CAMTA1: variants seen among roughly 807,000 people sequenced by gnomAD.
CAMTA1 encodes calmodulin-binding transcription activator 1.
Under a neutral mutation model 170.9 loss-of-function variants are expected in CAMTA1, and 27 were observed. That is an observed-to-expected ratio of 0.16 (90% CI 0.12 to 0.22). The LOEUF is 0.22. Ranked by LOEUF, CAMTA1 falls within the 10% of genes least tolerant of loss-of-function variation. CAMTA1 has a pLI of 1.00. For synonymous variants in CAMTA1, 833 were observed against 891.5 expected (o/e 0.93, Z 1.17); for missense variants, 1,619 against 2,217.2 (o/e 0.73, Z 5.42).
intron 5 of CAMTA1, among the ~76,000 whole-genome samples, chr1:7,448,225 A>C (rs1013871858): frequency 6.6e-5 from 10 of 152,202 alleles, no homozygotes; most frequent in Non-Finnish European, 2.9e-5. Flanking sequence ...GGCAGCAGGC[A>C]TGGACATGGA....
chr1:7,445,662 CAA>C (rs2092661582), intron 5 of CAMTA1, among the ~76,000 whole-genome samples: 1 of 152,202 alleles, frequency 6.6e-6, no homozygotes, highest in Non-Finnish European at 1.5e-5. Flanking sequence ...CAGGACAGAA[CAA>C]AGACATGGCT....
chr1:7,187,090 C>T (rs1048097856), intron 4 of CAMTA1, among the ~76,000 whole-genome samples: 1 of 152,082 alleles, frequency 6.6e-6, no homozygotes, highest in African/African-American at 2.4e-5. Context: ...TGAAGCCATG[C>T]TGGTCACTGT....
At chr1:7,409,518 C>T (rs763810460) in intron 5 of CAMTA1, among the ~76,000 whole-genome samples, 5 of 126,308 alleles carry the variant, frequency 4.0e-5, no homozygotes, top group Non-Finnish European at 6.7e-5. Context: ...TGAGGACTCA[C>T]CTGACACTTG....
In CAMTA1 at chr1:7,195,476, G is replaced by A. The variant is rs1423448154; in HGVS notation, c.303-54015G>A. Among the ~76,000 whole-genome samples, 2 of 152,142 alleles carry A rather than the reference G, an allele frequency of 1.3e-5. No homozygotes were observed. Among genetic ancestry groups the A allele is most frequent in the Non-Finnish European group, 2.9e-5 (2 of 68,038 alleles). On this transcript the variant is annotated intron_variant, in intron 4 of 22. Transcript: ENST00000303635. This position sits in a 1 kb window ranked among gnomAD's most constrained non-coding sequence, Gnocchi z 4.1. ...CCCAGCTGCCCGTAGTGACCATGGG[G>A]CACAAGCAGGGAATAGAGCTTTCCT...
chr1:7,385,509 G>A (rs1016485068), intron 5 of CAMTA1, among the ~76,000 whole-genome samples: 68 of 152,260 alleles, frequency 4.5e-4, no homozygotes, highest in African/African-American at 1.3e-3. Flanking sequence ...TACTGGGCTC[G>A]CGGGCCAGTG....
chr1:7,284,438 G>A (rs1015891438), intron 5 of CAMTA1, among the ~76,000 whole-genome samples: 3 of 151,964 alleles, frequency 2.0e-5, no homozygotes, highest in African/African-American at 4.8e-5. Flanking sequence ...TCCTGACCTC[G>A]TGATCTGCCC....
At chr1:7,374,474 AG>A (rs2086701836) in intron 5 of CAMTA1, among the ~76,000 whole-genome samples, 1 of 152,210 alleles carries the variant, frequency 6.6e-6, no homozygotes, top group Non-Finnish European at 1.5e-5. Context: ...TGGGGAGAGG[AG>A]GAGGGGCCGC....
intron 1 of CAMTA1, among the ~76,000 whole-genome samples, chr1:6,790,872 T>G (rs1640898112): frequency 6.6e-6 from 1 of 152,194 alleles, no homozygotes; most frequent in Non-Finnish European, 1.5e-5. Context: ...AATACCCCTT[T>G]TCTTTTTTCC....
chr1:7,276,304 T>TATATA (rs1553299266), intron 5 of CAMTA1, among the ~76,000 whole-genome samples: 2 of 14,948 alleles, frequency 1.3e-4, no homozygotes, highest in South Asian at 4.4e-3. Context: ...TATATATATA[T>TATATA]TTTTTTTTTT....
intron 3 of CAMTA1, among the ~76,000 whole-genome samples, chr1:6,990,265 C>A (rs1696132869): frequency 6.6e-6 from 1 of 152,186 alleles, no homozygotes; most frequent in Non-Finnish European, 1.5e-5. Context: ...CCTTTAAATA[C>A]TGCTTTAGCT....
chr1:7,745,520 TG>T (rs1334996535), intron 17 of CAMTA1, among the ~76,000 whole-genome samples: 1 of 152,084 alleles, frequency 6.6e-6, no homozygotes, highest in Non-Finnish European at 1.5e-5. Context: ...AGCAAGATTC[TG>T]TCTCAAAAAA....
intron 6 of CAMTA1, among the ~76,000 whole-genome samples, chr1:7,571,480 C>T (rs1388183464): frequency 6.6e-6 from 1 of 152,140 alleles, no homozygotes; most frequent in Non-Finnish European, 1.5e-5. Context: ...GATCCTTTCC[C>T]TCCTCCCACC....
chr1:7,410,414 G>A (rs1387223026), intron 5 of CAMTA1, among the ~76,000 whole-genome samples: 3 of 152,240 alleles, frequency 2.0e-5, no homozygotes, highest in East Asian at 1.9e-4. Flanking sequence ...CCCGCCTGTC[G>A]TCAGGAGCCC....
chr1:7,256,917 A>AGATGGCC (rs1392485185), intron 5 of CAMTA1, among the ~76,000 whole-genome samples: 2 of 151,798 alleles, frequency 1.3e-5, no homozygotes, highest in African/African-American at 4.8e-5. Context: ...CCTGGTGCAT[A>AGATGGCC]GATGGCCATC....
At chr1:7,765,624 C>A (rs1490386787) in intron 22 of CAMTA1, among the ~76,000 whole-genome samples, 1 of 152,166 alleles carries the variant, frequency 6.6e-6, no homozygotes, top group African/African-American at 2.4e-5. Flanking sequence ...AAAGTCTCCA[C>A]AAAACCTGTG....
intron 6 of CAMTA1, among the ~76,000 whole-genome samples, chr1:7,502,747 GT>G (rs1212523177): frequency 6.6e-6 from 1 of 152,238 alleles, no homozygotes; most frequent in Non-Finnish European, 1.5e-5. Flanking sequence ...CGACGGAGAT[GT>G]GAAGTCAGCG....
At chr1:7,486,133 G>A (rs571174525) in intron 6 of CAMTA1, among the ~76,000 whole-genome samples, 1 of 152,314 alleles carries the variant, frequency 6.6e-6, no homozygotes, top group South Asian at 2.1e-4. Flanking sequence ...TCAATTCGGT[G>A]TGACAGTTTG....
At chr1:6,978,956 G>T (rs17030102) in intron 3 of CAMTA1, among the ~76,000 whole-genome samples, 2,973 of 152,244 alleles carry the variant, frequency 0.02, 80 homozygotes, top group African/African-American at 0.067. Flanking sequence ...TGTGGTGGAT[G>T]CATCGTGAAC....
Position 7,091,358 on chromosome 1 carries a change from T to A in CAMTA1, c.289T>A (p.Ser97Thr). The change falls in exon 4 of 23, where the codon TCC (serine) becomes ACC (threonine). Residue 97 changes from serine (S) to threonine (T), a missense_variant. By Grantham distance (58) the Ser-to-Thr change is moderately conservative. This residue lies in a region of CAMTA1 where 97 missense variants were observed against 225.4 expected (regional missense o/e 0.43). Coordinates refer to ENST00000303635, the MANE Select transcript of CAMTA1 (RefSeq NM_015215.4). ...GAAACACGAAGAATGGCTAACCACC[T>A]CCCCTAAGACAAGGTAATGTCCCAG... Reference protein sequence around the residue: ...FEKHEEWLTTSPKTRPQNGSM... With the variant: ...FEKHEEWLTTTPKTRPQNGSM... 6.2e-7 allele frequency: 1 copy of A among 1,611,926 alleles called. No homozygotes were observed.
Sources: allele counts gnomAD v4.1 joint callset (sites outside exome capture counted in the v4.1 genomes callset), GRCh38; gene constraint gnomAD v4.1.1; regional missense constraint gnomAD v4.1.1; non-coding constraint Gnocchi (gnomAD v3.1); transcripts MANE v1.5; gene names NCBI Gene and HGNC (gene_info 2026-07-23, HGNC 2026-07-21).